Variants in SEMA3C observed in about 807,000 individuals in gnomAD.
The protein encoded by SEMA3C is semaphorin-3C.
SEMA3C carries 47 observed loss-of-function variants against 89.4 expected under a neutral mutation model. The observed-to-expected ratio is 0.53, with a 90% CI of 0.42 to 0.67. SEMA3C has a LOEUF of 0.67. Ranked by LOEUF, SEMA3C falls within the 30% of genes least tolerant of loss-of-function variation. SEMA3C has a pLI of 0.00. For synonymous variants in SEMA3C, 310 were observed against 320.2 expected (o/e 0.97, Z 0.34); for missense variants, 839 against 929.1 (o/e 0.90, Z 1.26).
At chr7:80,879,867 G>A (rs181927754) in intron 2 of SEMA3C, among the ~76,000 whole-genome samples, 1 of 152,228 alleles carries the variant, frequency 6.6e-6, no homozygotes, top group East Asian at 1.9e-4. Context: ...GTGACATGGA[G>A]CAAACAATCT....
chr7:80,880,399 G>A (rs1210674407), intron 2 of SEMA3C, among the ~76,000 whole-genome samples: 2 of 152,152 alleles, frequency 1.3e-5, no homozygotes, highest in Non-Finnish European at 2.9e-5. Flanking sequence ...GATGTATTCT[G>A]AGTCTCTAAC....
At chr7:80,813,401 C>A (rs1789517191) in intron 5 of SEMA3C, among the ~76,000 whole-genome samples, 1 of 152,164 alleles carries the variant, frequency 6.6e-6, no homozygotes, top group Non-Finnish European at 1.5e-5. Context: ...AAATTTCAGG[C>A]CTTTGCCACT....
chr7:80,883,553 T>G (rs1213352475), intron 2 of SEMA3C, among the ~76,000 whole-genome samples: 2 of 152,196 alleles, frequency 1.3e-5, no homozygotes, highest in Non-Finnish European at 2.9e-5. Context: ...GCCTCTTACT[T>G]CCCCAGTTGG....
chr7:80,846,778 C>A (rs1790400875), intron 2 of SEMA3C, among the ~76,000 whole-genome samples: 1 of 152,122 alleles, frequency 6.6e-6, no homozygotes, highest in Non-Finnish European at 1.5e-5. Context: ...TAATTACATA[C>A]ATTTAAACTT....
rs1277622599 is a variant in SEMA3C, at chr7:80,818,380, G to C, written c.366C>G (p.Phe122Leu). 4 of 1,613,400 alleles carry C rather than the reference G, an allele frequency of 2.5e-6. No homozygotes were observed. The highest frequency in any genetic ancestry group is 1.3e-5 in the African/African-American group (1 of 75,036). ...CGNFVRVIQT[F>L]NRTHLYVCGS... ...CACAGACATACAAATGTGTGCGATT[G>C]AAAGTCTGAATTACACGGACAAAGT... Residue 122 changes from phenylalanine (F) to leucine (L), a missense_variant, in exon 5 of 18, where the codon TTC becomes TTG. Physicochemically the swap from Phe to Leu is conservative, Grantham distance 22. Coordinates refer to ENST00000265361, the MANE Select transcript of SEMA3C (RefSeq NM_006379.5).
chr7:80,919,112 G>A (rs553673454), upstream of SEMA3C: 21 of 984,932 alleles, frequency 2.1e-5, no homozygotes, highest in Middle Eastern at 1.6e-3. Flanking sequence ...CAGCGCCGCG[G>A]CGCGCGGCTC....
At chr7:80,819,981 T>A (rs1789704827) in intron 4 of SEMA3C, among the ~76,000 whole-genome samples, 1 of 150,856 alleles carries the variant, frequency 6.6e-6, no homozygotes. Flanking sequence ...ACATCAAAAG[T>A]TAACAGTAAT....
intron 2 of SEMA3C, among the ~76,000 whole-genome samples, chr7:80,861,903 T>C (rs1020703887): frequency 2.0e-5 from 3 of 152,086 alleles, no homozygotes; most frequent in East Asian, 1.9e-4. Context: ...CCCTTTATGA[T>C]TAAAACTCTC....
intron 5 of SEMA3C, 112 bp downstream of exon 5, chr7:80,818,187 G>A (rs933823294): frequency 1.0e-6 from 1 of 992,922 alleles, no homozygotes; most frequent in Admixed American, 2.7e-5. Context: ...TATTTAAAGG[G>A]CATGAAAATA....
At chr7:80,774,276 C>T (rs553320995) in intron 12 of SEMA3C, among the ~76,000 whole-genome samples, 94 of 152,164 alleles carry the variant, frequency 6.2e-4, no homozygotes, top group Non-Finnish European at 1.2e-3. Context: ...AGGGCATTAT[C>T]CATAATTTCC....
chr7:80,756,568 A>C lies in SEMA3C; in HGVS notation c.1643+1763T>G, dbSNP rs574532818. 5.9e-5 allele frequency among the ~76,000 whole-genome samples: 9 copies of C among 152,294 alleles called. No individual in the cohort carries two copies. The South Asian group carries it at 1.7e-3, about 28-fold the overall frequency. On this transcript the variant is annotated intron_variant, in intron 15 of 17. Coordinates refer to ENST00000265361, the MANE Select transcript of SEMA3C (RefSeq NM_006379.5). ...GCTGTTTTCCATTTCACTTTAAATAAAAACTTTTCAATTACTTACAAAGTC... is the reference window on the plus strand; with the variant it reads ...GCTGTTTTCCATTTCACTTTAAATACAAACTTTTCAATTACTTACAAAGTC...
intron 2 of SEMA3C, among the ~76,000 whole-genome samples, chr7:80,911,515 TTAAAA>T (rs1430097144): frequency 6.6e-6 from 1 of 152,190 alleles, no homozygotes; most frequent in Admixed American, 6.5e-5. Flanking sequence ...GTGAACAAAT[TTAAAA>T]TAAGCTATCT....
Position 80,911,792 on chromosome 7 carries a change from C to T in SEMA3C, c.103+4887G>A, listed in dbSNP as rs138386721. Among the ~76,000 whole-genome samples, 1,047 of 152,120 alleles carry T rather than the reference C, an allele frequency of 6.9e-3. 57 individuals are homozygous for T. In the East Asian group the frequency reaches 0.13, roughly 19 times the overall value. On this transcript the variant is annotated intron_variant, in intron 2 of 17. Coordinates refer to ENST00000265361, the MANE Select transcript of SEMA3C (RefSeq NM_006379.5). ...AGGACTACAGGTGGCCACCACCATG[C>T]CTGGCTAATTTTTTGTATTTTTAGT...
rs1028376471 is a variant in SEMA3C at position 80,858,966 on chromosome 7, T to A, written c.104-30221A>T. Among the ~76,000 whole-genome samples, 9 of 152,312 alleles carry A rather than the reference T, an allele frequency of 5.9e-5. 1 individual carries two copies. The South Asian group carries it at 1.9e-3, about 32-fold the overall frequency. Reference sequence around the variant, plus strand: ...GGTGCATCATTTGTCCTCTTTATTATAACACTCAGACTTTACAAGAGTTTT... The same window carrying A: ...GGTGCATCATTTGTCCTCTTTATTAAAACACTCAGACTTTACAAGAGTTTT... On this transcript the variant is annotated intron_variant, in intron 2 of 17. Transcript: ENST00000265361.
Position 80,909,464 on chromosome 7 carries a change from T to A in SEMA3C, c.103+7215A>T, listed in dbSNP as rs568381709. On this transcript the variant is annotated intron_variant, in intron 2 of 17. Transcript: ENST00000265361. The stretch of plus-strand genomic sequence containing the variant: ...CCTGATCATTTTTATCAGAAAATAG[T>A]TGTACTAAGGTAGTAATTTAGAAAT... Among the ~76,000 whole-genome samples, 4 of 152,306 alleles carry A rather than the reference T, an allele frequency of 2.6e-5. No individual in the cohort carries two copies. The East Asian group carries it at 7.7e-4, about 29-fold the overall frequency.
At chr7:80,794,985 G>A (rs1425169850) in intron 11 of SEMA3C, among the ~76,000 whole-genome samples, 1 of 152,190 alleles carries the variant, frequency 6.6e-6, no homozygotes, top group Non-Finnish European at 1.5e-5. Flanking sequence ...ACGAGGGTAT[G>A]AGATTTCTGC....
intron 10 of SEMA3C, among the ~76,000 whole-genome samples, chr7:80,800,544 A>G (rs1403301158): frequency 6.6e-6 from 1 of 152,176 alleles, no homozygotes; most frequent in Non-Finnish European, 1.5e-5. Context: ...ATATCATGCA[A>G]TCATTACAAA....
intron 6 of SEMA3C, among the ~76,000 whole-genome samples, chr7:80,808,567 C>G (rs1789393790): frequency 6.6e-6 from 1 of 152,080 alleles, no homozygotes; most frequent in Non-Finnish European, 1.5e-5. Context: ...GTTTACCTGT[C>G]TTAATGTAAT....
intron 12 of SEMA3C, among the ~76,000 whole-genome samples, chr7:80,780,007 TA>T (rs1370895422): frequency 1.3e-5 from 2 of 152,132 alleles, no homozygotes; most frequent in Non-Finnish European, 2.9e-5. Context: ...CCTTGAACTT[TA>T]AAAAACAATG....
Sources: allele counts gnomAD v4.1 joint callset (sites outside exome capture counted in the v4.1 genomes callset), GRCh38; gene constraint gnomAD v4.1.1; transcripts MANE v1.5; gene names NCBI Gene and HGNC (gene_info 2026-07-23, HGNC 2026-07-21).